The following FBXO25 variants were observed in gnomAD, a reference collection of about 807,000 sequenced individuals.
FBXO25 encodes the protein F-box only protein 25.
A neutral mutation model predicts 51.9 loss-of-function variants in FBXO25; 45 were observed. That is an observed-to-expected ratio of 0.87 (90% confidence interval 0.68 to 1.11). The LOEUF (loss-of-function observed/expected upper bound fraction) is 1.11, where lower values mean the gene tolerates loss of function less well. FBXO25 is among the 50% of genes most tolerant of loss of function. The pLI is 0.00. For missense variants in FBXO25, 507 were observed against 428.5 expected (o/e 1.18, Z -1.62); for synonymous variants, 199 against 151.0 (o/e 1.32, Z -2.33).
chr8:409,247 C>CTT (rs1796347506), intron 1 of FBXO25, among the ~76,000 whole-genome samples: 1 of 152,272 alleles, frequency 6.6e-6, no homozygotes, highest in Non-Finnish European at 1.5e-5. Flanking sequence ...ATAGATTATG[C>CTT]TTTAAGAAAA....
rs1177805698 is a variant in FBXO25 at position 477,452 on chromosome 8, T to C, written c.*8648T>C. ...TTTGGGCTCTGATGTTTGGTGCATA[T>C]ATATTACATCTTGGTGAATTTTCAA... On this transcript the variant is annotated 3_prime_UTR_variant, in exon 10 of 10. Transcript: ENST00000350302. 1 of 152,276 alleles carries C rather than the reference T, an allele frequency of 6.6e-6. No individual in the cohort carries two copies. The highest frequency in any genetic ancestry group is 2.4e-5 in the African/African-American group (1 of 41,478). The allele number at this position is 152,276 out of a possible 1,614,324, so 9.4% of individuals were successfully genotyped here. A position where few individuals can be genotyped will look rare whatever the true frequency, so the allele number is the denominator to read the frequency against.
At chr8:410,664 G>C (rs916581397) in intron 1 of FBXO25, among the ~76,000 whole-genome samples, 1 of 152,146 alleles carries the variant, frequency 6.6e-6, no homozygotes, top group Non-Finnish European at 1.5e-5. Flanking sequence ...GATAACTTTA[G>C]GTCGACTGAA....
intron 2 of FBXO25, among the ~76,000 whole-genome samples, chr8:419,659 A>T (rs1164097364): frequency 6.6e-6 from 1 of 152,220 alleles, no homozygotes; most frequent in Non-Finnish European, 1.5e-5. Flanking sequence ...ACAAAAATGA[A>T]CTCAAAATGG....
At chr8:444,314 G>A (rs1174859604) in intron 5 of FBXO25, among the ~76,000 whole-genome samples, 1 of 152,184 alleles carries the variant, frequency 6.6e-6, no homozygotes, top group Non-Finnish European at 1.5e-5. Flanking sequence ...CCTTCCCCAT[G>A]TATGTGAGGC....
At chr8:428,380 T>C (rs1797618027) in intron 2 of FBXO25, among the ~76,000 whole-genome samples, 1 of 152,200 alleles carries the variant, frequency 6.6e-6, no homozygotes, top group South Asian at 2.1e-4. Flanking sequence ...TTGTGCCCTG[T>C]ATTTTCCGCT....
At chr8:427,960 G>T (rs1158108414) in intron 2 of FBXO25, among the ~76,000 whole-genome samples, 2 of 152,148 alleles carry the variant, frequency 1.3e-5, no homozygotes, top group Non-Finnish European at 2.9e-5. Context: ...GGGAGATGAA[G>T]ATTAAGTCCT....
At chr8:416,832 T>C (rs1796833069) in intron 2 of FBXO25, among the ~76,000 whole-genome samples, 1 of 152,222 alleles carries the variant, frequency 6.6e-6, no homozygotes, top group African/African-American at 2.4e-5. Context: ...CTGATGGAGC[T>C]TGCATTCTGG....
intron 5 of FBXO25, among the ~76,000 whole-genome samples, chr8:445,222 C>T (rs558706338): frequency 2.1e-4 from 32 of 152,272 alleles, no homozygotes; most frequent in South Asian, 6.2e-4. Context: ...CTAAACTGAC[C>T]GTGCTAAGCT....
chr8:476,217 A>C lies in FBXO25; in HGVS notation c.*7413A>C, dbSNP rs1800637799. The C allele has an allele frequency of 6.6e-6, 1 of 152,162 alleles. No individual in the cohort carries two copies. Among genetic ancestry groups the C allele is most frequent in the African/African-American group, 2.4e-5 (1 of 41,442 alleles). 9.4% of individuals were successfully genotyped at this position (152,162 alleles called of 1,614,324 possible). On this transcript the variant is annotated 3_prime_UTR_variant, in exon 10 of 10. Transcript: ENST00000350302. ...TCTTTGCATACCAGCTGTAAATCTT[A>C]CTTGGCCATGATGTGTAATCCTTTC...
At chr8:447,705 C>T (rs1798829186) in intron 5 of FBXO25, among the ~76,000 whole-genome samples, 1 of 152,162 alleles carries the variant, frequency 6.6e-6, no homozygotes, top group African/African-American at 2.4e-5. Context: ...GTATGTTTCA[C>T]ATACACCTTA....
chr8:422,862 A>G (rs181646145), intron 2 of FBXO25, among the ~76,000 whole-genome samples: 7 of 152,164 alleles, frequency 4.6e-5, no homozygotes, highest in South Asian at 2.1e-4. Flanking sequence ...GGAGCTTTCT[A>G]TGGTGTCTTT....
chr8:431,909 C>G (rs1008461364), intron 3 of FBXO25, among the ~76,000 whole-genome samples: 1 of 152,188 alleles, frequency 6.6e-6, no homozygotes, highest in African/African-American at 2.4e-5. Context: ...TACCAAGACA[C>G]ATGTTAATGT....
In FBXO25 at chr8:474,376, T is replaced by G; in HGVS notation, c.*5572T>G. The G allele has an allele frequency of 3.8e-6, 1 of 265,326 alleles. No homozygotes were observed. The highest frequency in any genetic ancestry group is 7.3e-6 in the Non-Finnish European group (1 of 137,924). The allele number at this position is 265,326 out of a possible 1,614,324, so 16.4% of individuals were successfully genotyped here. ...TTGAGTTGCTTCCACCTTTTAGCTATTGTGAATATTGCTGCCGTAAACATG... is the reference window on the plus strand; with the variant it reads ...TTGAGTTGCTTCCACCTTTTAGCTAGTGTGAATATTGCTGCCGTAAACATG... On this transcript the variant is annotated 3_prime_UTR_variant, in exon 10 of 10. Transcript: ENST00000350302.
In FBXO25 at chr8:475,307, G is replaced by A. The variant is rs895391586; in HGVS notation, c.*6503G>A. 1 of 178,214 alleles carries A rather than the reference G, an allele frequency of 5.6e-6. No homozygotes were observed. Among genetic ancestry groups the A allele is most frequent in the Non-Finnish European group, 1.2e-5 (1 of 85,082 alleles). 11.0% of individuals were successfully genotyped at this position (178,214 alleles called of 1,614,324 possible). On this transcript the variant is annotated 3_prime_UTR_variant, in exon 10 of 10. Coordinates refer to ENST00000350302, the MANE Select transcript of FBXO25 (RefSeq NM_183420.2). Reference sequence around the variant, plus strand: ...TTCTGTTCCATTGGTCTACATGACTGTCTTTGTTTCAATACAACACCATTT... The same window carrying A: ...TTCTGTTCCATTGGTCTACATGACTATCTTTGTTTCAATACAACACCATTT...
chr8:418,276 A>G lies in FBXO25; in HGVS notation c.134+5063A>G, dbSNP rs548914628. ...TAGTTTGGTGGGCAAAAAACATTAG[A>G]CATTTTATTTCTTTTCCTTTCCCTT... is the stretch of plus-strand genomic sequence containing the variant. On this transcript the variant is annotated intron_variant, in intron 2 of 9. Transcript: ENST00000350302. 4.6e-5 allele frequency among the ~76,000 whole-genome samples: 7 copies of G among 150,980 alleles called. No individual in the cohort carries two copies. In the East Asian group the frequency reaches 1.4e-3, roughly 29 times the overall value.
chr8:434,380 A>G (rs1302455308), intron 4 of FBXO25, among the ~76,000 whole-genome samples: 1 of 152,208 alleles, frequency 6.6e-6, no homozygotes, highest in African/African-American at 2.4e-5. Context: ...ATCAGCTGTG[A>G]TGGATTTCAG....
At chr8:456,764 A>G (rs1167451191) in intron 7 of FBXO25, among the ~76,000 whole-genome samples, 1 of 152,208 alleles carries the variant, frequency 6.6e-6, no homozygotes, top group African/African-American at 2.4e-5. Context: ...CTTGGAGTGC[A>G]TCACTGGCGG....
intron 2 of FBXO25, among the ~76,000 whole-genome samples, chr8:419,462 G>T (rs1038167111): frequency 2.0e-5 from 3 of 152,174 alleles, no homozygotes; most frequent in African/African-American, 7.2e-5. Context: ...AGATACACAG[G>T]TCAGTGGAAC....
At chr8:451,530 A>C in intron 7 of FBXO25, 77 bp downstream of exon 7, 1 of 1,327,730 alleles carries the variant, frequency 7.5e-7, no homozygotes, top group Non-Finnish European at 1.0e-6. Flanking sequence ...GCATACATGA[A>C]AGACTGCTAT....
Sources: gnomAD v4.1 joint callset for allele counts (sites outside exome capture counted in the v4.1 genomes callset) on GRCh38, gnomAD v4.1.1 for gene constraint, MANE v1.5 for transcripts, NCBI Gene and HGNC (gene_info 2026-07-23, HGNC 2026-07-21) for gene names.